The following KIF26B variants were observed in gnomAD, a reference collection of about 807,000 sequenced individuals.
The protein encoded by KIF26B is kinesin-like protein KIF26B.
In KIF26B, 63 loss-of-function variants were observed where a neutral mutation model predicts 151.2. The observed-to-expected ratio is 0.42, with a 90% CI of 0.34 to 0.51. The LOEUF is 0.51. Ranked by LOEUF, KIF26B falls within the 20% of genes least tolerant of loss-of-function variation. The pLI, the probability that KIF26B is intolerant of heterozygous loss-of-function variation, is 0.07. For synonymous variants in KIF26B, 1,357 were observed against 1,262.1 expected, an observed-to-expected ratio of 1.08 and a Z score of -1.59; for missense variants, 2,813 against 2,913.6, an observed-to-expected ratio of 0.97 and a Z score of 0.79.
chr1:245,652,367 T>A (rs1300374853), intron 10 of KIF26B, among the ~76,000 whole-genome samples: 1 of 152,154 alleles, frequency 6.6e-6, no homozygotes, highest in East Asian at 1.9e-4. Flanking sequence ...ATACTCATTT[T>A]TATACATTTT....
In KIF26B at chr1:245,517,766, A is replaced by G. The variant is rs561293518; in HGVS notation, c.1167-23001A>G. Reference sequence around the variant, plus strand: ...GGAGTCATATTAGAGTTGGGTCTAGAAGAATGAGCAGGAGGTGGCTGGGAA... The same window carrying G: ...GGAGTCATATTAGAGTTGGGTCTAGGAGAATGAGCAGGAGGTGGCTGGGAA... On this transcript the variant is annotated intron_variant, in intron 4 of 14. Transcript: ENST00000407071. 7.2e-5 allele frequency among the ~76,000 whole-genome samples: 11 copies of G among 152,212 alleles called. No homozygotes were observed. The South Asian group carries it at 2.1e-3, about 29-fold the overall frequency.
At chr1:245,184,050 G>GTTGTTTTTTTTTTTTTTT (rs1553332271) in intron 2 of KIF26B, among the ~76,000 whole-genome samples, 21 of 19,808 alleles carry the variant, frequency 1.1e-3, no homozygotes, top group Middle Eastern at 0.033. Flanking sequence ...GGGAGTTGTT[G>GTTGTTTTTTTTTTTTTTT]TTTTTTTTTT....
intron 2 of KIF26B, among the ~76,000 whole-genome samples, chr1:245,357,657 T>C (rs1319863591): frequency 6.6e-6 from 1 of 152,008 alleles, no homozygotes; most frequent in Admixed American, 6.5e-5. Context: ...CCCCAAAAGT[T>C]TTCTCATGGT....
At chr1:245,416,293 A>AAAAG (rs1553272390) in intron 3 of KIF26B, among the ~76,000 whole-genome samples, 4 of 44,106 alleles carry the variant, frequency 9.1e-5, no homozygotes, top group East Asian at 3.9e-4. Context: ...AAAAAAAAAA[A>AAAAG]AAAAAAGAAT....
At chr1:245,583,792 C>T (rs779729984) in intron 5 of KIF26B, among the ~76,000 whole-genome samples, 100 of 152,292 alleles carry the variant, frequency 6.6e-4, no homozygotes, top group African/African-American at 2.3e-3. Flanking sequence ...GCTTACCCAA[C>T]GAAGCATGAC....
In KIF26B at chr1:245,514,297, C is replaced by T. The variant is rs556360638; in HGVS notation, c.1167-26470C>T. The stretch of plus-strand genomic sequence containing the variant: ...ATCCCAGCACTTTGGGAGTCCGAGG[C>T]GGGCGGATCACTTGAGGTCAGGAGT... On this transcript the variant is annotated intron_variant, in intron 4 of 14. Coordinates refer to ENST00000407071, the MANE Select transcript of KIF26B (RefSeq NM_018012.4). Among the ~76,000 whole-genome samples, 15 of 152,204 alleles carry T rather than the reference C, an allele frequency of 9.9e-5. No homozygotes were observed. In the South Asian group the frequency reaches 1.9e-3, roughly 19 times the overall value.
In KIF26B at chr1:245,702,116, CTTGATTGA is replaced by C. The variant is rs4021906; in HGVS notation, c.6179-336_6179-329del. Among the ~76,000 whole-genome samples, 99,555 of 152,008 alleles carry C rather than the reference CTTGATTGA, an allele frequency of 0.65. 34,687 individuals carry two copies. Among genetic ancestry groups the C allele is most frequent in the African/African-American group, 0.9 (37,480 of 41,484 alleles). ...TCCCCACCTCAACTTGAATTATTTA[CTTGATTGA>C]TTGATAGTGAATAGTGTGGTAGCGT... is the stretch of plus-strand genomic sequence containing the variant. On this transcript the variant is annotated intron_variant, in intron 14 of 14. Coordinates refer to ENST00000407071, the MANE Select transcript of KIF26B (RefSeq NM_018012.4). This position sits in a 1 kb window ranked among gnomAD's most constrained non-coding sequence, Gnocchi z 4.1.
intron 2 of KIF26B, among the ~76,000 whole-genome samples, chr1:245,217,665 C>T (rs912653225): frequency 6.6e-6 from 1 of 152,048 alleles, no homozygotes; most frequent in Non-Finnish European, 1.5e-5. Context: ...CCACTGCGCC[C>T]GGTCGATTGT....
chr1:245,620,973 T>G (rs543866026), intron 9 of KIF26B, among the ~76,000 whole-genome samples: 1 of 152,198 alleles, frequency 6.6e-6, no homozygotes, highest in South Asian at 2.1e-4. Context: ...CAGGCAGAAC[T>G]TCTTATGCAG....
intron 9 of KIF26B, among the ~76,000 whole-genome samples, chr1:245,625,527 T>C (rs1354992448): frequency 2.0e-5 from 3 of 152,224 alleles, no homozygotes; most frequent in Admixed American, 6.5e-5. Flanking sequence ...ATTACACATA[T>C]TTATGGGTGA....
chr1:245,246,866 A>AACACACACAC (rs10623091), intron 2 of KIF26B, among the ~76,000 whole-genome samples: 303 of 143,942 alleles, frequency 2.1e-3, no homozygotes, highest in East Asian at 0.016. Context: ...GTAAGGGCAG[A>AACACACACAC]ACACACACAC....
intron 3 of KIF26B, chr1:245,371,510 C>T (rs1054849392): frequency 6.6e-6 from 1 of 152,130 alleles, no homozygotes; most frequent in African/African-American, 2.4e-5. Flanking sequence ...GCTCCACACC[C>T]GCGGGACCCG....
At chr1:245,416,732 C>G (rs902102957) in intron 3 of KIF26B, among the ~76,000 whole-genome samples, 1 of 152,098 alleles carries the variant, frequency 6.6e-6, no homozygotes, top group African/African-American at 2.4e-5. Context: ...GCAGAAGGAG[C>G]AGGAGGTGTG....
chr1:245,553,272 C>T (rs569348180), intron 5 of KIF26B, among the ~76,000 whole-genome samples: 8 of 152,198 alleles, frequency 5.3e-5, no homozygotes, highest in African/African-American at 7.2e-5. Flanking sequence ...GGCCTATGAA[C>T]GCCAACTCTG....
intron 2 of KIF26B, among the ~76,000 whole-genome samples, chr1:245,255,361 C>T (rs1048058594): frequency 6.6e-5 from 10 of 152,240 alleles, no homozygotes; most frequent in Admixed American, 1.3e-4. Context: ...AGCTTCATTA[C>T]AGCCAGTGTC....
rs72761153 is a variant in KIF26B at position 245,376,282 on chromosome 1, T to G, written c.999+8915T>G. 3.9e-3 allele frequency among the ~76,000 whole-genome samples: 592 copies of G among 152,300 alleles called. 2 individuals are homozygous for G. The highest frequency in any genetic ancestry group is 6.9e-3 in the Non-Finnish European group (470 of 68,026). On this transcript the variant is annotated intron_variant, in intron 3 of 14. Transcript: ENST00000407071. ...ACTTTGGACGTTGTAGAGCAGCATG[T>G]GAGTGTTTGCTGGTATCACGTTTTA...
intron 2 of KIF26B, among the ~76,000 whole-genome samples, chr1:245,296,824 C>T (rs1671345569): frequency 6.6e-6 from 1 of 152,230 alleles, no homozygotes; most frequent in African/African-American, 2.4e-5. Flanking sequence ...CTGGCCTCAT[C>T]TCAGGACTGT....
At chr1:245,168,409 G>A (rs1480331530) in intron 2 of KIF26B, among the ~76,000 whole-genome samples, 1 of 152,156 alleles carries the variant, frequency 6.6e-6, no homozygotes, top group African/African-American at 2.4e-5. Context: ...TCTTAATAAA[G>A]CTATTTGTTT....
intron 2 of KIF26B, among the ~76,000 whole-genome samples, chr1:245,204,266 A>T (rs184278711): frequency 6.6e-6 from 1 of 152,342 alleles, no homozygotes; most frequent in East Asian, 1.9e-4. Flanking sequence ...AATAATTCAT[A>T]CAGGAGACTT....
Sources: allele counts gnomAD v4.1 joint callset (sites outside exome capture counted in the v4.1 genomes callset), GRCh38; gene constraint gnomAD v4.1.1; non-coding constraint Gnocchi (gnomAD v3.1); transcripts MANE v1.5; gene names NCBI Gene and HGNC (gene_info 2026-07-23, HGNC 2026-07-21).